MACF1: variants seen among roughly 807,000 people sequenced by gnomAD.
MACF1 encodes the protein microtubule-actin cross-linking factor 1.
MACF1 carries 193 observed loss-of-function variants against 854.8 expected under a neutral mutation model. The observed-to-expected ratio is 0.23, with a 90% CI of 0.20 to 0.25. The LOEUF (loss-of-function observed/expected upper bound fraction) is 0.25, where lower values mean the gene tolerates loss of function less well. Ranked by LOEUF, MACF1 falls within the 10% of genes least tolerant of loss-of-function variation. The probability of loss-of-function intolerance (pLI) is 1.00; values close to 1 mark genes in which losing one functional copy is unlikely to be tolerated. For synonymous variants in MACF1, 3,185 were observed against 3,226.7 expected, an observed-to-expected ratio of 0.99 and a Z score of 0.44; for missense variants, 7,722 against 8,929.1, an observed-to-expected ratio of 0.86 and a Z score of 5.45.
chr1:39,102,923 C>T (rs1423916358), intron 2 of MACF1: 13 of 701,908 alleles, frequency 1.9e-5, no homozygotes, highest in Admixed American at 1.0e-4. Context: ...CCCTGGCAGC[C>T]GCTTTGTTCC....
At chr1:39,472,629 A>G (rs760925470) in intron 97 of MACF1, among the ~76,000 whole-genome samples, 17 of 152,212 alleles carry the variant, frequency 1.1e-4, no homozygotes, top group African/African-American at 1.7e-4. Context: ...TTAAAATGCA[A>G]ATATCCATGG....
chr1:39,146,311 C>T (rs1024175513), intron 2 of MACF1, among the ~76,000 whole-genome samples: 12 of 152,038 alleles, frequency 7.9e-5, no homozygotes, highest in Middle Eastern at 3.4e-3. Context: ...GGTATGGTGG[C>T]GCACACCTGT....
At chr1:39,458,580 C>T in intron 90 of MACF1, 90 bp downstream of exon 90, 1 of 1,461,926 alleles carries the variant, frequency 6.8e-7, no homozygotes, top group Non-Finnish European at 9.1e-7. Context: ...AAATTATATT[C>T]CATTTTCAAA....
intron 100 of MACF1, 62 bp downstream of exon 100, chr1:39,484,792 G>T (rs754231388): frequency 1.2e-6 from 2 of 1,603,484 alleles, no homozygotes; most frequent in South Asian, 2.2e-5. Context: ...AGCCTATGTG[G>T]AATGTTTCAC....
Position 39,232,780 on chromosome 1 carries a change from T to A in MACF1, c.171+1537T>A, listed in dbSNP as rs1414367699. Reference sequence around the variant, plus strand: ...TTTTTTTTTTTTTTGTTTGTTTGTTTCTTTGTTTGTTTGTTTTTTTGAGAC... The same window carrying A: ...TTTTTTTTTTTTTTGTTTGTTTGTTACTTTGTTTGTTTGTTTTTTTGAGAC... On this transcript the variant is annotated intron_variant, in intron 2 of 100. Coordinates refer to ENST00000564288, the MANE Select transcript of MACF1 (RefSeq NM_001394062.1). Among the ~76,000 whole-genome samples, 5 of 151,002 alleles carry A rather than the reference T, an allele frequency of 3.3e-5. No individual in the cohort carries two copies. In the East Asian group the frequency reaches 9.7e-4, roughly 29 times the overall value.
intron 2 of MACF1, among the ~76,000 whole-genome samples, chr1:39,234,800 G>T: frequency 2.0e-5 from 2 of 99,280 alleles, no homozygotes; most frequent in African/African-American, 3.0e-5. Flanking sequence ...GGGGCGGCCG[G>T]GCAGAGATGC....
chr1:39,239,919 C>T (rs767355014), intron 2 of MACF1, among the ~76,000 whole-genome samples: 5 of 152,108 alleles, frequency 3.3e-5, no homozygotes, highest in Non-Finnish European at 7.3e-5. Flanking sequence ...TCCGTCCGTC[C>T]GTCTTTCTGT....
chr1:39,472,548 C>T (rs1321424605), intron 97 of MACF1, among the ~76,000 whole-genome samples: 1 of 152,144 alleles, frequency 6.6e-6, no homozygotes, highest in African/African-American at 2.4e-5. Context: ...TCATTTCTTC[C>T]AAGTGATATG....
intron 2 of MACF1, chr1:39,102,911 C>T: frequency 1.4e-6 from 1 of 702,224 alleles, no homozygotes. Flanking sequence ...TCTTCCCATC[C>T]CCCCTGGCAG....
In MACF1 at chr1:39,380,364, G is replaced by A. The variant is rs1412716890; in HGVS notation, c.13639G>A (p.Glu4547Lys). Residue 4547 changes from glutamate (E) to lysine (K), a missense_variant, in exon 55 of 101, where the codon GAA becomes AAA. Around this residue, in one of 15 missense-constraint regions of MACF1, gnomAD observed 2,807 missense variants for 3,235.8 expected, o/e 0.87. Coordinates refer to ENST00000564288, the MANE Select transcript of MACF1 (RefSeq NM_001394062.1). Reference sequence around the variant, plus strand: ...AGCAGAAAATTGGAAGAAAATTCAGGAAGAACTCAGTAAGTTTTCACAAGA... The same window carrying A: ...AGCAGAAAATTGGAAGAAAATTCAGAAAGAACTCAGTAAGTTTTCACAAGA... ...QEAENWKKIQEELNSRWERAT... is the reference protein window; with the variant it reads ...QEAENWKKIQKELNSRWERAT... 1.2e-6 allele frequency: 2 copies of A among 1,612,664 alleles called. No homozygotes were observed. Among genetic ancestry groups the A allele is most frequent in the African/African-American group, 1.3e-5 (1 of 74,946 alleles).
intron 3 of MACF1, chr1:39,250,309 T>A (rs1645026641): frequency 2.8e-6 from 1 of 361,304 alleles, no homozygotes. Flanking sequence ...TTATATGTTC[T>A]CATTTCTTGA....
At chr1:39,155,426 TTAAA>T (rs987754231) in intron 2 of MACF1, among the ~76,000 whole-genome samples, 9 of 152,070 alleles carry the variant, frequency 5.9e-5, no homozygotes, top group African/African-American at 2.2e-4. Context: ...TGAATAGACT[TTAAA>T]AAAGCAAAAG....
chr1:39,112,177 C>T (rs904682513), intron 2 of MACF1, among the ~76,000 whole-genome samples: 2 of 151,688 alleles, frequency 1.3e-5, no homozygotes, highest in Admixed American at 6.6e-5. Context: ...ACCTCCACCC[C>T]CTGGGTTCAA....
chr1:39,369,756 G>A (rs996594503), intron 50 of MACF1, among the ~76,000 whole-genome samples: 6 of 152,196 alleles, frequency 3.9e-5, no homozygotes, highest in Admixed American at 3.9e-4. Flanking sequence ...CTAAATAGCA[G>A]CCTCCCTTTA....
intron 2 of MACF1, among the ~76,000 whole-genome samples, chr1:39,155,706 A>G (rs1467326101): frequency 6.6e-6 from 1 of 152,202 alleles, no homozygotes; most frequent in Non-Finnish European, 1.5e-5. Flanking sequence ...ACCTAAAAAT[A>G]GTTAAGACTT....
chr1:39,194,543 G>A (rs548482073), intron 2 of MACF1, among the ~76,000 whole-genome samples: 7 of 150,212 alleles, frequency 4.7e-5, no homozygotes, highest in Admixed American at 4.0e-4. Flanking sequence ...TAGTAGAGAC[G>A]GGTGGCCAGG....
intron 1 of MACF1, among the ~76,000 whole-genome samples, chr1:39,212,752 A>G (rs1384774827): frequency 6.6e-6 from 1 of 152,114 alleles, no homozygotes; most frequent in Admixed American, 6.5e-5. Flanking sequence ...CCTCCCAGGT[A>G]TCTGGAATTA....
chr1:39,310,226 T>A lies in MACF1; in HGVS notation c.2917-19T>A, dbSNP rs758499483. On this transcript the variant is annotated intron_variant, in intron 24 of 100. Coordinates refer to ENST00000564288, the MANE Select transcript of MACF1 (RefSeq NM_001394062.1). ...ACATTTTTATTCTGTTGCAATTTCT[T>A]CTGGCTTTTTCTTTCTAGCTTCGAT... 6 of 1,585,978 alleles carry A rather than the reference T, an allele frequency of 3.8e-6. No homozygotes were observed. In the South Asian group the frequency reaches 6.9e-5, roughly 18 times the overall value.
chr1:39,098,736 T>C (rs1641994686), intron 2 of MACF1, among the ~76,000 whole-genome samples: 1 of 152,190 alleles, frequency 6.6e-6, no homozygotes, highest in Non-Finnish European at 1.5e-5. Flanking sequence ...AGGGTTGCTA[T>C]GGTGATGGGC....
Sources: allele counts gnomAD v4.1 joint callset (sites outside exome capture counted in the v4.1 genomes callset), GRCh38; gene constraint gnomAD v4.1.1; regional missense constraint gnomAD v4.1.1; transcripts MANE v1.5; gene names NCBI Gene and HGNC (gene_info 2026-07-23, HGNC 2026-07-21).